Variants in FHIT observed in about 807,000 individuals in gnomAD.
The protein encoded by FHIT is fragile histidine triad diadenosine triphosphatase, also known as bis(5'-adenosyl)-triphosphatase.
Under a neutral mutation model 17.9 loss-of-function variants are expected in FHIT, and 19 were observed. The ratio of observed to expected loss-of-function variants is 1.06; its 90% CI spans 0.74 to 1.56. The LOEUF (loss-of-function observed/expected upper bound fraction) is 1.56. Among genes scored for constraint, FHIT ranks in the 40% most tolerant of loss-of-function variants. FHIT has a pLI of 0.00. For synonymous variants in FHIT, 81 were observed against 69.7 expected (o/e 1.16, Z -0.81); for missense variants, 248 against 189.2 (o/e 1.31, Z -1.82).
intron 5 of FHIT, among the ~76,000 whole-genome samples, chr3:60,359,277 CTTTTTTTT>C (rs71089599): frequency 7.3e-5 from 8 of 109,910 alleles, no homozygotes; most frequent in African/African-American, 2.1e-4. Flanking sequence ...ATGAAAATAT[CTTTTTTTT>C]TTTTTTTTTT....
At chr3:60,488,224 T>A (rs1308193222) in intron 5 of FHIT, among the ~76,000 whole-genome samples, 1 of 152,154 alleles carries the variant, frequency 6.6e-6, no homozygotes, top group African/African-American at 2.4e-5. Flanking sequence ...GCTAAAAGAT[T>A]ATATTTGAGA....
intron 8 of FHIT, among the ~76,000 whole-genome samples, chr3:59,785,483 T>C (rs114821757): frequency 0.016 from 2,432 of 152,106 alleles, 76 homozygotes; most frequent in African/African-American, 0.055. Flanking sequence ...CTAATTTTTG[T>C]ATTTTTTGGT....
intron 7 of FHIT, 151 bp downstream of exon 7, chr3:60,011,220 T>A (rs7612646): frequency 4.4e-5 from 29 of 652,562 alleles, no homozygotes; most frequent in Non-Finnish European, 7.1e-5. Context: ...GAGTTTATAA[T>A]GTCAGGATTT....
Position 61,239,762 on chromosome 3 carries a change from CATAT to C in FHIT, c.-213+11535_-213+11538del, listed in dbSNP as rs72107416. Among the ~76,000 whole-genome samples, 73 of 108,048 alleles carry C rather than the reference CATAT, an allele frequency of 6.8e-4. 1 individual carries two copies. The highest frequency in any genetic ancestry group is 9.0e-4 in the Admixed American group (9 of 10,044). The allele number at this position is 108,048 out of a possible 152,430, so 70.9% of individuals were successfully genotyped here. On this transcript the variant is annotated intron_variant, in intron 1 of 9. Coordinates refer to ENST00000492590, the MANE Select transcript of FHIT (RefSeq NM_002012.4). ...AAAACTGCAAAGAAAAACAACTGGCCATATATATATATATATATATATACACAAA... is the reference window on the plus strand; with the variant it reads ...AAAACTGCAAAGAAAAACAACTGGCCATATATATATATATATATACACAAA...
At chr3:59,918,156 T>C (rs376205621) in intron 8 of FHIT, among the ~76,000 whole-genome samples, 46 of 152,276 alleles carry the variant, frequency 3.0e-4, no homozygotes, top group African/African-American at 1.0e-3. Context: ...CAATATATAG[T>C]CTCCTTTTAA....
chr3:60,707,910 T>A (rs896904441), intron 4 of FHIT, among the ~76,000 whole-genome samples: 1 of 152,218 alleles, frequency 6.6e-6, no homozygotes, highest in Admixed American at 6.5e-5. Context: ...TTTTAAATAG[T>A]CTTCAAAAGC....
intron 4 of FHIT, among the ~76,000 whole-genome samples, chr3:60,627,564 GACAGGCTGGA>G (rs2039323206): frequency 6.6e-6 from 1 of 152,088 alleles, no homozygotes; most frequent in Non-Finnish European, 1.5e-5. Context: ...GGAGTGCAGT[GACAGGCTGGA>G]GTGCAGTGGC....
At chr3:61,247,132 G>A (rs1025852967) in intron 1 of FHIT, among the ~76,000 whole-genome samples, 4 of 152,028 alleles carry the variant, frequency 2.6e-5, no homozygotes, top group African/African-American at 9.7e-5. Flanking sequence ...TGCAGTGCCT[G>A]GAACAGAGCT....
chr3:59,843,682 T>C (rs565180936), intron 8 of FHIT, among the ~76,000 whole-genome samples: 1 of 152,286 alleles, frequency 6.6e-6, no homozygotes, highest in East Asian at 1.9e-4. Context: ...TCTTTTCAGA[T>C]TGTTGTTAGT....
intron 5 of FHIT, among the ~76,000 whole-genome samples, chr3:60,294,888 G>A (rs533906793): frequency 2.0e-5 from 3 of 152,262 alleles, no homozygotes; most frequent in South Asian, 2.1e-4. Flanking sequence ...AATAGCCTCC[G>A]TGGTATGGAT....
chr3:61,048,366 CA>C (rs2033893996), intron 2 of FHIT, among the ~76,000 whole-genome samples: 1 of 152,154 alleles, frequency 6.6e-6, no homozygotes, highest in African/African-American at 2.4e-5. Context: ...AGCCAACAGA[CA>C]CATGAAAAAA....
intron 5 of FHIT, among the ~76,000 whole-genome samples, chr3:60,324,588 G>A (rs115806707): frequency 4.8e-3 from 385 of 80,336 alleles, no homozygotes; most frequent in Middle Eastern, 0.017. Flanking sequence ...AAAAAAAAAA[G>A]AATTCCAGTT....
At chr3:59,803,551 G>A (rs764716648) in intron 8 of FHIT, among the ~76,000 whole-genome samples, 12 of 152,204 alleles carry the variant, frequency 7.9e-5, no homozygotes, top group Admixed American at 1.3e-4. Context: ...AACACTTTGC[G>A]TATGAACAAA....
chr3:60,561,928 GAAAAAGAGAAAGAGAGAAAC>G (rs1362915890), intron 4 of FHIT, among the ~76,000 whole-genome samples: 6 of 148,460 alleles, frequency 4.0e-5, no homozygotes, highest in Admixed American at 1.4e-4. Flanking sequence ...AAGAGAGAAA[GAAAAAGAGAAAGAGAGAAAC>G]AGAGAGAGAG....
At chr3:60,312,710 T>A (rs1709001259) in intron 5 of FHIT, among the ~76,000 whole-genome samples, 3 of 152,110 alleles carry the variant, frequency 2.0e-5, no homozygotes, top group Admixed American at 6.5e-5. Flanking sequence ...AAACACTGCA[T>A]CTGAGGGAGG....
At chr3:60,946,683 G>A (rs62267330) in intron 3 of FHIT, among the ~76,000 whole-genome samples, 38,534 of 152,036 alleles carry the variant, frequency 0.25, 6,022 homozygotes, top group East Asian at 0.6. Context: ...AAGCCTCTGC[G>A]GAGGAAGAGA....
intron 5 of FHIT, among the ~76,000 whole-genome samples, chr3:60,062,589 T>C (rs1702337300): frequency 6.6e-6 from 1 of 152,182 alleles, no homozygotes; most frequent in African/African-American, 2.4e-5. Context: ...TCACGATCTT[T>C]CTTCTACTGA....
At chr3:60,135,263 G>T (rs1016392449) in intron 5 of FHIT, among the ~76,000 whole-genome samples, 1 of 152,036 alleles carries the variant, frequency 6.6e-6, no homozygotes, top group African/African-American at 2.4e-5. Context: ...GTGGTACAGC[G>T]TCACGTCCTT....
intron 3 of FHIT, among the ~76,000 whole-genome samples, chr3:60,848,331 C>G (rs1055567230): frequency 6.6e-6 from 1 of 152,080 alleles, no homozygotes; most frequent in South Asian, 2.1e-4. Flanking sequence ...TCAAATTGTA[C>G]TTTTTAAGAT....
Sources: gnomAD v4.1 joint callset for allele counts (sites outside exome capture counted in the v4.1 genomes callset) on GRCh38, gnomAD v4.1.1 for gene constraint, MANE v1.5 for transcripts, NCBI Gene and HGNC (gene_info 2026-07-23, HGNC 2026-07-21) for gene names.